XRCC1: variants seen among roughly 807,000 people sequenced by gnomAD.
XRCC1 encodes DNA repair protein XRCC1.
A neutral mutation model predicts 83.3 loss-of-function variants in XRCC1; 52 were observed. The observed-to-expected ratio is 0.62, with a 90% CI of 0.50 to 0.79. XRCC1 has a LOEUF of 0.79. XRCC1 is among the 30% of genes least tolerant of loss of function. The probability of loss-of-function intolerance (pLI) is 0.00; values close to 1 mark genes in which losing one functional copy is unlikely to be tolerated. For missense variants in XRCC1, 793 were observed against 823.5 expected (o/e 0.96, Z 0.45); for synonymous variants, 281 against 312.6 (o/e 0.90, Z 1.07).
At chr19:43,549,614 C>T (rs1326353438) in intron 10 of XRCC1, among the ~76,000 whole-genome samples, 2 of 152,002 alleles carry the variant, frequency 1.3e-5, no homozygotes, top group African/African-American at 2.4e-5. Context: ...TGGAGTGCAG[C>T]GGTGCAATCA....
At chr19:43,548,766 C>CAAAAAAAAAAAAAAAAAAAAAAAAAAAAA (rs60740505) in intron 10 of XRCC1, among the ~76,000 whole-genome samples, 5 of 64,594 alleles carry the variant, frequency 7.7e-5, no homozygotes, top group Admixed American at 1.8e-4. Flanking sequence ...CAAGAATGAT[C>CAAAAAAAAAAAAAAAAAAAAAAAAAAAAA]AAAAAAAAAA....
Position 43,561,025 on chromosome 19 carries a change from G to A in XRCC1, c.145-5C>T. 1 of 1,611,866 alleles carries A rather than the reference G, an allele frequency of 6.2e-7. No individual in the cohort carries two copies. The highest frequency in any genetic ancestry group is 1.1e-5 in the South Asian group (1 of 91,048). ...TATCTGCTCCTCCTTCTCCAACTGT[G>A]GGCAGAGAGAGAGGCCACTGTCAGT... On this transcript the variant is annotated splice_region_variant and splice_polypyrimidine_tract_variant and intron_variant, in intron 2 of 16. Coordinates refer to ENST00000262887, the MANE Select transcript of XRCC1 (RefSeq NM_006297.3).
intron 3 of XRCC1, among the ~76,000 whole-genome samples, chr19:43,558,554 A>C (rs903588174): frequency 1.3e-5 from 2 of 151,336 alleles, no homozygotes; most frequent in African/African-American, 2.4e-5. Flanking sequence ...ACTTGAGCCC[A>C]GGAGGCAGAG....
chr19:43,545,776 A>T, intron 14 of XRCC1, 42 bp downstream of exon 14: 4 of 1,607,120 alleles, frequency 2.5e-6, no homozygotes, highest in Non-Finnish European at 2.6e-6. Context: ...GAGAACTGAG[A>T]AGAGAAAATG....
At chr19:43,554,909 A>T in intron 3 of XRCC1, 105 bp from the exon 4 acceptor site, 2 of 1,306,246 alleles carry the variant, frequency 1.5e-6, no homozygotes, top group Non-Finnish European at 2.1e-6. Flanking sequence ...GGGGACTGGG[A>T]GTCACTAGAA....
chr19:43,544,193 G>T lies in XRCC1; in HGVS notation c.1663C>A (p.Pro555Thr). 1.9e-6 allele frequency: 3 copies of T among 1,611,256 alleles called. No homozygotes were observed. Among genetic ancestry groups the T allele is most frequent in the Non-Finnish European group, 2.5e-6 (3 of 1,178,864 alleles). ...ATGAGTTTCCGCCGCTCGTCCCCAG[G>T]GAACTCCCCGTAAAGAAAGAAGTGC... is the stretch of plus-strand genomic sequence containing the variant. ...GKHFFLYGEF[P>T]GDERRKLIRY... The change falls in exon 15 of 17, where the codon CCT (proline) becomes ACT (threonine). Residue 555 changes from proline (P) to threonine (T), a missense_variant. Pro to Thr is a conservative substitution (Grantham distance 38). Coordinates refer to ENST00000262887, the MANE Select transcript of XRCC1 (RefSeq NM_006297.3).
intron 2 of XRCC1, among the ~76,000 whole-genome samples, chr19:43,568,218 C>T (rs534946467): frequency 1.1e-4 from 17 of 151,976 alleles, no homozygotes; most frequent in African/African-American, 3.9e-4. Context: ...AGGTAGGCTG[C>T]GCACGGCGTG....
chr19:43,571,788 G>A (rs992097312), intron 2 of XRCC1, among the ~76,000 whole-genome samples: 5 of 152,234 alleles, frequency 3.3e-5, no homozygotes, highest in African/African-American at 9.6e-5. Flanking sequence ...GCACCCCACT[G>A]AGAGTGAATA....
At chr19:43,566,155 G>T (rs567769281) in intron 2 of XRCC1, among the ~76,000 whole-genome samples, 3 of 151,648 alleles carry the variant, frequency 2.0e-5, no homozygotes, top group Admixed American at 2.0e-4. Flanking sequence ...AGAATCACTT[G>T]AACCTGGGAG....
rs574450911 is a variant in XRCC1, at chr19:43,552,084, G to A, written c.1015C>T (p.Arg339Ter). The A allele has an allele frequency of 3.1e-5, 50 of 1,614,068 alleles. No homozygotes were observed. The highest frequency in any genetic ancestry group is 1.5e-4 in the South Asian group (14 of 91,082). Residue 339 changes from arginine (R) to a stop codon, truncating the protein, a stop_gained, in exon 9 of 17, where the codon CGA becomes TGA. Transcript: ENST00000262887. LOFTEE classifies it high-confidence loss of function. The stretch of plus-strand genomic sequence containing the variant: ...GCCCCAAGCTCTAGGGCCTTATCTC[G>A]CAGCTCGGAGCGGAAGGGGTTCTGG... ...GFQNPFRSEL[R>*]DKALELGAKY...
intron 14 of XRCC1, 83 bp from the exon 15 acceptor site, chr19:43,544,317 C>A (rs1157358145): frequency 1.2e-5 from 15 of 1,244,804 alleles, no homozygotes; most frequent in Non-Finnish European, 1.6e-5. Flanking sequence ...GCTGACCCAG[C>A]AGCTGAGGAG....
chr19:43,557,032 G>A (rs1295175805), intron 3 of XRCC1, among the ~76,000 whole-genome samples: 1 of 151,582 alleles, frequency 6.6e-6, no homozygotes, highest in South Asian at 2.1e-4. Flanking sequence ...AAAAAGACTG[G>A]GCACAGTGGC....
intron 14 of XRCC1, among the ~76,000 whole-genome samples, chr19:43,544,906 C>T (rs185922687): frequency 6.6e-6 from 1 of 152,272 alleles, no homozygotes; most frequent in Admixed American, 6.5e-5. Flanking sequence ...AGTCCTCCCA[C>T]CTCGGCCTCT....
At chr19:43,558,522 G>A (rs1416670656) in intron 3 of XRCC1, among the ~76,000 whole-genome samples, 1 of 151,908 alleles carries the variant, frequency 6.6e-6, no homozygotes. Context: ...CTAGCTACTT[G>A]GGGGGCTGAG....
chr19:43,563,437 G>A (rs952963592), intron 2 of XRCC1, among the ~76,000 whole-genome samples: 1 of 152,184 alleles, frequency 6.6e-6, no homozygotes, highest in Admixed American at 6.5e-5. Context: ...AGGTTGCAGT[G>A]AGCCGAGATT....
At chr19:43,551,753 G>C in intron 9 of XRCC1, 66 bp from the exon 10 acceptor site, 1 of 1,234,228 alleles carries the variant, frequency 8.1e-7, no homozygotes, top group Non-Finnish European at 1.2e-6. Context: ...GAACGAGACA[G>C]GGGAGACAGA....
At chr19:43,560,328 A>T (rs1231943797) in intron 3 of XRCC1, among the ~76,000 whole-genome samples, 1 of 151,814 alleles carries the variant, frequency 6.6e-6, no homozygotes, top group East Asian at 1.9e-4. Context: ...CCCGGGAGGC[A>T]GAGGTTGCAA....
At chr19:43,551,994 C>CAGGG in intron 9 of XRCC1, 23 bp downstream of exon 9, 1 of 1,611,546 alleles carries the variant, frequency 6.2e-7, no homozygotes, top group Non-Finnish European at 8.5e-7. Context: ...TGCAGCGGCG[C>CAGGG]AGGGAGGGGG....
In XRCC1 at chr19:43,545,798, G is replaced by C; in HGVS notation, c.1621+20C>G. On this transcript the variant is annotated intron_variant, in intron 14 of 16. Coordinates refer to ENST00000262887, the MANE Select transcript of XRCC1 (RefSeq NM_006297.3). Reference sequence around the variant, plus strand: ...GAGAAGAGAAAATGCCACTTCAGGAGGGATGGGGGGATTTCCCACCTGGGA... The same window carrying C: ...GAGAAGAGAAAATGCCACTTCAGGACGGATGGGGGGATTTCCCACCTGGGA... 6.2e-7 allele frequency: 1 copy of C among 1,612,760 alleles called. No individual in the cohort carries two copies. Among genetic ancestry groups the C allele is most frequent in the Non-Finnish European group, 8.5e-7 (1 of 1,179,234 alleles).
Sources: allele counts gnomAD v4.1 joint callset (sites outside exome capture counted in the v4.1 genomes callset), GRCh38; gene constraint gnomAD v4.1.1; transcripts MANE v1.5; gene names NCBI Gene and HGNC (gene_info 2026-07-23, HGNC 2026-07-21).